SPOCK3: variants seen among roughly 807,000 people sequenced by gnomAD.
SPOCK3 encodes SPARC (osteonectin), cwcv and kazal like domains proteoglycan 3, also known as testican-3.
In SPOCK3, 30 loss-of-function variants were observed where a neutral mutation model predicts 56.6. The ratio of observed to expected loss-of-function variants is 0.53; its 90% confidence interval spans 0.40 to 0.72. The LOEUF is 0.72. Among genes scored for constraint, SPOCK3 ranks in the 30% least tolerant of loss-of-function variants. The probability of loss-of-function intolerance (pLI) is 0.00; values close to 1 mark genes in which losing one functional copy is unlikely to be tolerated. For missense variants in SPOCK3, 527 were observed against 530.0 expected (o/e 0.99, Z 0.06); for synonymous variants, 196 against 183.3 (o/e 1.07, Z -0.56).
chr4:166,967,981 T>A (rs1047731726), intron 4 of SPOCK3, among the ~76,000 whole-genome samples: 2 of 152,170 alleles, frequency 1.3e-5, no homozygotes, highest in Non-Finnish European at 2.9e-5. Flanking sequence ...AGCGTAAAGA[T>A]CACTCTTGCT....
Position 167,046,450 on chromosome 4 carries a change from C to CTTTTTTTTTTTTT in SPOCK3, c.235+16029_235+16041dup, listed in dbSNP as rs67108499. ...TTATCTTTTTTTTCTTTCTGATATT[C>CTTTTTTTTTTTTT]TTTTTTTTTTTTTTTTTTTTTTTTT... On this transcript the variant is annotated intron_variant, in intron 3 of 10. Transcript: ENST00000357545. Among the ~76,000 whole-genome samples, 11 of 53,700 alleles carry CTTTTTTTTTTTTT rather than the reference C, an allele frequency of 2.0e-4. 1 individual carries two copies. Among genetic ancestry groups the CTTTTTTTTTTTTT allele is most frequent in the African/African-American group, 4.8e-4 (6 of 12,584 alleles). The allele number at this position is 53,700 out of a possible 152,430, so 35.2% of individuals were successfully genotyped here. A position where few individuals can be genotyped will look rare whatever the true frequency, so the allele number is the denominator to read the frequency against.
At chr4:167,201,673 AT>A (rs1733529539) in intron 2 of SPOCK3, among the ~76,000 whole-genome samples, 1 of 151,474 alleles carries the variant, frequency 6.6e-6, no homozygotes. Context: ...AGAAGAAGAA[AT>A]CACCTTTTTT....
chr4:167,233,985 G>C lies in SPOCK3; in HGVS notation c.189C>G (p.Asp63Glu), dbSNP rs1253380872. The part of the protein sequence containing the change: ...KEVGQWNKFR[D>E]DDYFRTWSPG... ...GGGGATGTGGGTGCGCGGAACTTAC[G>C]TCTCGGAATTTGTTCCACTGTCCGA... Residue 63 changes from aspartate (D) to glutamate (E), a missense_variant and splice_region_variant, in exon 2 of 11, where the codon GAC becomes GAG. By Grantham distance (45) the Asp-to-Glu change is conservative (BLOSUM62 2). Coordinates refer to ENST00000357545, the MANE Select transcript of SPOCK3 (RefSeq NM_001040159.2). The C allele has an allele frequency of 6.2e-7, 1 of 1,612,186 alleles. No homozygotes were observed. The highest frequency in any genetic ancestry group is 8.5e-7 in the Non-Finnish European group (1 of 1,178,508).
At chr4:166,827,536 A>G (rs1745601264) in intron 6 of SPOCK3, among the ~76,000 whole-genome samples, 1 of 152,126 alleles carries the variant, frequency 6.6e-6, no homozygotes, top group Non-Finnish European at 1.5e-5. Flanking sequence ...TTACAGCAAC[A>G]CAGAGCTGCC....
intron 3 of SPOCK3, among the ~76,000 whole-genome samples, chr4:167,057,815 T>C (rs186479215): frequency 0.012 from 1,867 of 152,220 alleles, 22 homozygotes; most frequent in Non-Finnish European, 0.018. Flanking sequence ...CAAAGAGACT[T>C]AGACTCCCAC....
intron 2 of SPOCK3, among the ~76,000 whole-genome samples, chr4:167,129,090 A>G (rs1391591346): frequency 6.6e-6 from 1 of 152,192 alleles, no homozygotes; most frequent in Admixed American, 6.5e-5. Flanking sequence ...AAGACTGAGA[A>G]TGACACAGAG....
At chr4:166,752,552 GTATATA>G (rs36225376) in intron 8 of SPOCK3, among the ~76,000 whole-genome samples, 668 of 61,484 alleles carry the variant, frequency 0.011, 6 homozygotes, top group African/African-American at 0.025. Flanking sequence ...CTATATGTGT[GTATATA>G]TATATATATA....
intron 3 of SPOCK3, among the ~76,000 whole-genome samples, chr4:167,009,165 C>T (rs1749771456): frequency 6.6e-6 from 1 of 151,734 alleles, no homozygotes; most frequent in African/African-American, 2.4e-5. Flanking sequence ...TATTAACAAA[C>T]ATCCAACAAC....
chr4:167,060,553 A>G (rs1755489177), intron 3 of SPOCK3, among the ~76,000 whole-genome samples: 1 of 152,104 alleles, frequency 6.6e-6, no homozygotes, highest in African/African-American at 2.4e-5. Flanking sequence ...TATTTTTTTG[A>G]TACAAAACTT....
chr4:166,907,089 T>C (rs1736709003), intron 5 of SPOCK3, among the ~76,000 whole-genome samples: 1 of 152,052 alleles, frequency 6.6e-6, no homozygotes, highest in African/African-American at 2.4e-5. Flanking sequence ...CAAGTGTATA[T>C]ATGAGGTTAT....
rs570093149 is a variant in SPOCK3 at position 166,841,371 on chromosome 4, C to T, written c.589+47759G>A. Among the ~76,000 whole-genome samples, 3 of 151,832 alleles carry T rather than the reference C, an allele frequency of 2.0e-5. No homozygotes were observed. In the South Asian group the frequency reaches 6.3e-4, roughly 32 times the overall value. On this transcript the variant is annotated intron_variant, in intron 6 of 10. Transcript: ENST00000357545. ...AGTGTAGATGCAAGCAAAAGAAAAA[C>T]AATTTCACATAGACTTATAGAATTA...
chr4:167,021,957 A>T (rs1751228844), intron 3 of SPOCK3, among the ~76,000 whole-genome samples: 1 of 152,076 alleles, frequency 6.6e-6, no homozygotes, highest in East Asian at 1.9e-4. Flanking sequence ...GCAGTACCCT[A>T]ATACTACCTC....
At chr4:167,205,530 T>TA (rs1343035754) in intron 2 of SPOCK3, among the ~76,000 whole-genome samples, 19 of 60,204 alleles carry the variant, frequency 3.2e-4, no homozygotes, top group South Asian at 1.5e-3. Flanking sequence ...ATATATATTA[T>TA]TATATAATAT....
intron 2 of SPOCK3, 92 bp downstream of exon 2, chr4:167,233,893 G>A (rs533320797): frequency 3.6e-6 from 4 of 1,109,062 alleles, no homozygotes; most frequent in Non-Finnish European, 5.4e-6. Flanking sequence ...CTCAGAAAAC[G>A]GAGCCCACTC....
intron 2 of SPOCK3, among the ~76,000 whole-genome samples, chr4:167,088,632 C>T (rs149890118): frequency 0.086 from 13,049 of 151,514 alleles, 723 homozygotes; most frequent in South Asian, 0.17. Context: ...GCCCAGCTAA[C>T]TTTTGTATTT....
At chr4:167,227,979 A>G (rs755458695) in intron 2 of SPOCK3, among the ~76,000 whole-genome samples, 5 of 152,188 alleles carry the variant, frequency 3.3e-5, no homozygotes, top group Non-Finnish European at 5.9e-5. Context: ...CACTGTGTCC[A>G]CACATGTAAC....
chr4:166,856,160 GGGAGGAGGA>G (rs144233724), intron 6 of SPOCK3, among the ~76,000 whole-genome samples: 1 of 150,078 alleles, frequency 6.7e-6, no homozygotes, highest in Non-Finnish European at 1.5e-5. Flanking sequence ...AGAGACTGAG[GGGAGGAGGA>G]GGAGGAGGAG....
intron 6 of SPOCK3, among the ~76,000 whole-genome samples, chr4:166,835,777 A>G (rs1196738274): frequency 6.6e-6 from 1 of 152,188 alleles, no homozygotes; most frequent in Admixed American, 6.5e-5. Context: ...AGGTGGGCGG[A>G]TCACCTGAGA....
intron 6 of SPOCK3, among the ~76,000 whole-genome samples, chr4:166,814,475 G>A (rs965662274): frequency 2.6e-5 from 4 of 152,084 alleles, no homozygotes; most frequent in Non-Finnish European, 4.4e-5. Context: ...TGCCAGCTCT[G>A]CTAGAACAAA....
Sources: allele counts gnomAD v4.1 joint callset (sites outside exome capture counted in the v4.1 genomes callset), GRCh38; gene constraint gnomAD v4.1.1; transcripts MANE v1.5; gene names NCBI Gene and HGNC (gene_info 2026-07-23, HGNC 2026-07-21).